CFAP299: variants seen among roughly 807,000 people sequenced by gnomAD.
CFAP299 encodes cilia- and flagella-associated protein 299.
Under a neutral mutation model 27.0 loss-of-function variants are expected in CFAP299, and 21 were observed. The observed-to-expected ratio is 0.78, with a 90% CI of 0.55 to 1.12. The LOEUF is 1.12. CFAP299 is among the 50% of genes most tolerant of loss of function. CFAP299 has a pLI of 0.00. For missense variants in CFAP299, 310 were observed against 276.6 expected (o/e 1.12, Z -0.86); for synonymous variants, 104 against 98.1 (o/e 1.06, Z -0.36).
intron 3 of CFAP299, among the ~76,000 whole-genome samples, chr4:80,837,688 A>G (rs1304753353): frequency 6.6e-6 from 1 of 152,140 alleles, no homozygotes; most frequent in Non-Finnish European, 1.5e-5. Flanking sequence ...TCTATCATTG[A>G]TGCACATTTG....
chr4:80,400,286 A>T (rs1726076931), intron 2 of CFAP299, among the ~76,000 whole-genome samples: 1 of 152,106 alleles, frequency 6.6e-6, no homozygotes, highest in African/African-American at 2.4e-5. Flanking sequence ...TAACTTGTTT[A>T]ACGCTCACAA....
In CFAP299 at chr4:80,808,426, C is replaced by A. The variant is rs200985993; in HGVS notation, c.334-61567C>A. Among the ~76,000 whole-genome samples, 12 of 152,194 alleles carry A rather than the reference C, an allele frequency of 7.9e-5. No homozygotes were observed. In the East Asian group the frequency reaches 2.3e-3, roughly 29 times the overall value. On this transcript the variant is annotated intron_variant, in intron 3 of 5. Transcript: ENST00000358105. ...TGTGATGTTGATCTGTATATTATTT[C>A]TCTACCAATCAGCACCATAATTTCA...
intron 4 of CFAP299, among the ~76,000 whole-genome samples, chr4:80,917,329 G>A (rs1300114887): frequency 6.6e-6 from 1 of 152,142 alleles, no homozygotes; most frequent in African/African-American, 2.4e-5. Flanking sequence ...GATTAGTTCA[G>A]TTGTTTTACA....
At chr4:80,376,816 G>A (rs1252745175) in intron 2 of CFAP299, among the ~76,000 whole-genome samples, 1 of 152,010 alleles carries the variant, frequency 6.6e-6, no homozygotes, top group Non-Finnish European at 1.5e-5. Context: ...CACCACGCCT[G>A]GCTAATTTTT....
At chr4:80,390,920 CAT>C (rs1398276682) in intron 2 of CFAP299, among the ~76,000 whole-genome samples, 1 of 111,632 alleles carries the variant, frequency 9.0e-6, no homozygotes, top group Non-Finnish European at 1.8e-5. Flanking sequence ...TATATACACA[CAT>C]ATGTATATAT....
At chr4:80,902,580 A>ATATATAT (rs1734974303) in intron 4 of CFAP299, among the ~76,000 whole-genome samples, 4 of 82,428 alleles carry the variant, frequency 4.9e-5, no homozygotes, top group African/African-American at 1.3e-4. Flanking sequence ...ATATATATGT[A>ATATATAT]ATATATACAC....
At chr4:80,631,940 A>G (rs1739235443) in intron 3 of CFAP299, among the ~76,000 whole-genome samples, 1 of 129,238 alleles carries the variant, frequency 7.7e-6, no homozygotes, top group Non-Finnish European at 1.6e-5. Context: ...GCATTTTGGG[A>G]GTTAAGTGGG....
chr4:80,830,055 G>A (rs1436014089), intron 3 of CFAP299, among the ~76,000 whole-genome samples: 1 of 151,990 alleles, frequency 6.6e-6, no homozygotes, highest in Non-Finnish European at 1.5e-5. Context: ...ACTTAAAAAT[G>A]GTTACAATGG....
chr4:80,961,347 C>T (rs1738335686), intron 5 of CFAP299, among the ~76,000 whole-genome samples: 1 of 151,516 alleles, frequency 6.6e-6, no homozygotes, highest in Non-Finnish European at 1.5e-5. Flanking sequence ...TCTTGTTTAC[C>T]AAAGATTTAC....
chr4:80,771,413 C>T (rs191134204), intron 3 of CFAP299, among the ~76,000 whole-genome samples: 140 of 152,116 alleles, frequency 9.2e-4, no homozygotes, highest in African/African-American at 3.1e-3. Flanking sequence ...TTACAATGCT[C>T]GATGGTAAAA....
At chr4:80,859,265 A>G (rs1417842894) in intron 3 of CFAP299, among the ~76,000 whole-genome samples, 1 of 152,076 alleles carries the variant, frequency 6.6e-6, no homozygotes, top group Non-Finnish European at 1.5e-5. Context: ...TTTGCTTGGT[A>G]GATCTTCCTC....
chr4:80,362,302 A>G (rs146637546), intron 1 of CFAP299, among the ~76,000 whole-genome samples: 16 of 151,942 alleles, frequency 1.1e-4, no homozygotes, highest in African/African-American at 3.6e-4. Flanking sequence ...TCAAGGAAGT[A>G]AGGCTCTAAA....
chr4:80,801,293 G>T (rs1483163343), intron 3 of CFAP299, among the ~76,000 whole-genome samples: 1 of 151,440 alleles, frequency 6.6e-6, no homozygotes, highest in African/African-American at 2.4e-5. Context: ...TACCTGCAAG[G>T]GGTTATCCAC....
intron 3 of CFAP299, among the ~76,000 whole-genome samples, chr4:80,854,848 A>G (rs532262148): frequency 2.0e-5 from 3 of 150,962 alleles, no homozygotes; most frequent in South Asian, 2.1e-4. Context: ...CAGAAAAGGA[A>G]AATTGGGTTG....
intron 3 of CFAP299, among the ~76,000 whole-genome samples, chr4:80,860,320 T>C (rs1451941663): frequency 6.6e-6 from 1 of 152,202 alleles, no homozygotes; most frequent in African/African-American, 2.4e-5. Context: ...GTCTAAATTT[T>C]TTTCAAAGTT....
At chr4:80,623,950 C>G (rs1738740197) in intron 3 of CFAP299, among the ~76,000 whole-genome samples, 1 of 152,240 alleles carries the variant, frequency 6.6e-6, no homozygotes, top group Non-Finnish European at 1.5e-5. Context: ...AGGCAGCAAC[C>G]CAGTGCCATG....
At chr4:80,390,492 T>TCTATATATGTATATATACAC (rs1560542923) in intron 2 of CFAP299, among the ~76,000 whole-genome samples, 4 of 146,890 alleles carry the variant, frequency 2.7e-5, no homozygotes, top group African/African-American at 7.6e-5. Context: ...TCTCTCTCTC[T>TCTATATATGTATATATACAC]ATATATATGT....
At chr4:80,862,124 C>T (rs1215535641) in intron 3 of CFAP299, among the ~76,000 whole-genome samples, 1 of 152,150 alleles carries the variant, frequency 6.6e-6, no homozygotes, top group African/African-American at 2.4e-5. Context: ...AATCCCAGCA[C>T]TTTGGAAGGC....
At chr4:80,804,838 T>C (rs1728783874) in intron 3 of CFAP299, among the ~76,000 whole-genome samples, 1 of 152,130 alleles carries the variant, frequency 6.6e-6, no homozygotes. Flanking sequence ...ATTTCTGTCT[T>C]TTTGACTGGA....
Sources: allele counts gnomAD v4.1 joint callset (sites outside exome capture counted in the v4.1 genomes callset), GRCh38; gene constraint gnomAD v4.1.1; transcripts MANE v1.5; gene names NCBI Gene and HGNC (gene_info 2026-07-23, HGNC 2026-07-21).